Variants in PLCB1 observed in about 807,000 individuals in gnomAD.
The protein encoded by PLCB1 is phospholipase C beta 1.
PLCB1 carries 46 observed loss-of-function variants against 161.8 expected under a neutral mutation model. The ratio of observed to expected loss-of-function variants is 0.28; its 90% CI spans 0.22 to 0.36. The LOEUF (loss-of-function observed/expected upper bound fraction) is 0.36. PLCB1 is among the 10% of genes least tolerant of loss of function. The pLI is 1.00. For synonymous variants in PLCB1, 517 were observed against 503.7 expected, an observed-to-expected ratio of 1.03 and a Z score of -0.35; for missense variants, 1,016 against 1,472.5, an observed-to-expected ratio of 0.69 and a Z score of 5.07.
At chr20:8,876,068 T>A (rs1320026238) in intron 31 of PLCB1, among the ~76,000 whole-genome samples, 3 of 152,166 alleles carry the variant, frequency 2.0e-5, no homozygotes. Context: ...TGCCTTTTCC[T>A]GCTTAACTAC....
At chr20:8,664,951 G>A (rs1469764917) in intron 9 of PLCB1, among the ~76,000 whole-genome samples, 1 of 152,058 alleles carries the variant, frequency 6.6e-6, no homozygotes, top group Non-Finnish European at 1.5e-5. Flanking sequence ...GAATCACAGT[G>A]TCCTGAAGGA....
intron 31 of PLCB1, among the ~76,000 whole-genome samples, chr20:8,855,750 T>C (rs1987046683): frequency 6.6e-6 from 1 of 152,186 alleles, no homozygotes; most frequent in Non-Finnish European, 1.5e-5. Flanking sequence ...AAACTACCTT[T>C]AAAATGTATT....
chr20:8,337,945 A>T (rs999706384), intron 2 of PLCB1, among the ~76,000 whole-genome samples: 2 of 152,196 alleles, frequency 1.3e-5, no homozygotes, highest in African/African-American at 4.8e-5. Flanking sequence ...TGGCAAGGAC[A>T]TGTGCTCATT....
intron 3 of PLCB1, among the ~76,000 whole-genome samples, chr20:8,437,984 TA>T (rs1186255663): frequency 2.0e-5 from 3 of 152,190 alleles, no homozygotes; most frequent in East Asian, 1.9e-4. Context: ...CCCTGAAACA[TA>T]AAAAAAGTCT....
chr20:8,538,255 G>A (rs181414312), intron 3 of PLCB1, among the ~76,000 whole-genome samples: 3 of 152,294 alleles, frequency 2.0e-5, no homozygotes, highest in Admixed American at 2.0e-4. Context: ...AGGACATTAT[G>A]TAAAAAATTC....
intron 2 of PLCB1, among the ~76,000 whole-genome samples, chr20:8,339,726 A>G (rs1243294673): frequency 6.6e-6 from 1 of 152,182 alleles, no homozygotes; most frequent in Non-Finnish European, 1.5e-5. Context: ...GTCTCTTACA[A>G]GATACATAAC....
intron 4 of PLCB1, among the ~76,000 whole-genome samples, chr20:8,633,396 AG>A (rs1988662541): frequency 6.6e-6 from 1 of 152,184 alleles, no homozygotes; most frequent in African/African-American, 2.4e-5. Flanking sequence ...GATTTTGAGT[AG>A]GTAGTTGGAT....
At chr20:8,276,965 C>A (rs1392152057) in intron 2 of PLCB1, among the ~76,000 whole-genome samples, 33 of 121,816 alleles carry the variant, frequency 2.7e-4, no homozygotes, top group Admixed American at 6.7e-4. Context: ...TCTTCTTCTT[C>A]TTCTTCTTCT....
intron 3 of PLCB1, among the ~76,000 whole-genome samples, chr20:8,494,118 G>T (rs936707946): frequency 8.0e-5 from 12 of 150,282 alleles, no homozygotes; most frequent in African/African-American, 3.0e-4. Flanking sequence ...TGAACCTCAG[G>T]TAGCAGTCCT....
At chr20:8,650,859 G>C (rs1226415712) in intron 7 of PLCB1, among the ~76,000 whole-genome samples, 6 of 152,012 alleles carry the variant, frequency 3.9e-5, no homozygotes, top group Admixed American at 3.9e-4. Flanking sequence ...AGGGGGTGCA[G>C]GATCTAAACA....
intron 9 of PLCB1, among the ~76,000 whole-genome samples, chr20:8,675,774 A>G (rs761061997): frequency 6.8e-4 from 104 of 152,258 alleles, no homozygotes; most frequent in Admixed American, 2.0e-4. Context: ...TGACCATTAC[A>G]TAATTTAGGT....
At chr20:8,300,208 A>G (rs757359806) in intron 2 of PLCB1, among the ~76,000 whole-genome samples, 24 of 152,208 alleles carry the variant, frequency 1.6e-4, no homozygotes, top group Non-Finnish European at 7.3e-5. Context: ...ACAGAGGCAC[A>G]ACAGCACAAG....
intron 2 of PLCB1, among the ~76,000 whole-genome samples, chr20:8,279,588 T>C (rs1381624861): frequency 3.3e-5 from 5 of 152,194 alleles, no homozygotes; most frequent in Non-Finnish European, 7.3e-5. Flanking sequence ...CTTAAAATGG[T>C]TAAAACTGTA....
chr20:8,312,192 G>C (rs1241221111), intron 2 of PLCB1, among the ~76,000 whole-genome samples: 1 of 151,992 alleles, frequency 6.6e-6, no homozygotes, highest in Non-Finnish European at 1.5e-5. Context: ...TCTAGCCAGG[G>C]TTGGTTATAG....
At chr20:8,725,102 A>T (rs909548239) in intron 16 of PLCB1, among the ~76,000 whole-genome samples, 4 of 152,258 alleles carry the variant, frequency 2.6e-5, no homozygotes, top group African/African-American at 9.6e-5. Context: ...CATCTGTTAC[A>T]TAAGTGATAA....
At chr20:8,644,122 A>G (rs1047824437) in intron 4 of PLCB1, among the ~76,000 whole-genome samples, 1 of 152,156 alleles carries the variant, frequency 6.6e-6, no homozygotes, top group Non-Finnish European at 1.5e-5. Context: ...GCTGGAGTGC[A>G]GTGGCGTGAT....
intron 2 of PLCB1, among the ~76,000 whole-genome samples, chr20:8,272,500 C>T (rs1347360964): frequency 6.6e-6 from 1 of 152,070 alleles, no homozygotes. Context: ...CTGTTTCACT[C>T]GTTCAGCATC....
At chr20:8,310,344 A>G (rs6055728) in intron 2 of PLCB1, among the ~76,000 whole-genome samples, 4,820 of 152,316 alleles carry the variant, frequency 0.032, 246 homozygotes, top group African/African-American at 0.11. Flanking sequence ...ACAAAGTTGA[A>G]TGAAGTTCAA....
intron 2 of PLCB1, among the ~76,000 whole-genome samples, chr20:8,204,575 C>A (rs1978428721): frequency 2.0e-5 from 3 of 151,866 alleles, no homozygotes; most frequent in Admixed American, 2.0e-4. Flanking sequence ...CTCCTTCCAC[C>A]CAACCTTGCT....
Sources: gnomAD v4.1 joint callset for allele counts (sites outside exome capture counted in the v4.1 genomes callset) on GRCh38, gnomAD v4.1.1 for gene constraint, MANE v1.5 for transcripts, NCBI Gene and HGNC (gene_info 2026-07-23, HGNC 2026-07-21) for gene names.